DNM3: variants seen among roughly 807,000 people sequenced by gnomAD.
DNM3 encodes dynamin 3.
A neutral mutation model predicts 101.6 loss-of-function variants in DNM3; 47 were observed. The ratio of observed to expected loss-of-function variants is 0.46; its 90% confidence interval spans 0.37 to 0.59. The LOEUF (loss-of-function observed/expected upper bound fraction) is 0.59. Ranked by LOEUF, DNM3 falls within the 20% of genes least tolerant of loss-of-function variation. DNM3 has a pLI of 0.00. For synonymous variants in DNM3, 385 were observed against 387.9 expected (o/e 0.99, Z 0.09); for missense variants, 849 against 1,085.7 (o/e 0.78, Z 3.06).
At chr1:172,250,259 G>T (rs540448457) in intron 14 of DNM3, among the ~76,000 whole-genome samples, 7 of 152,212 alleles carry the variant, frequency 4.6e-5, no homozygotes, top group South Asian at 2.1e-4. Context: ...ACTAAACATT[G>T]CTATGTTAGG....
chr1:171,956,132 C>G lies in DNM3; in HGVS notation c.236-31524C>G, dbSNP rs148579117. 6.6e-4 allele frequency among the ~76,000 whole-genome samples: 100 copies of G among 152,302 alleles called. 1 individual carries two copies. The highest frequency in any genetic ancestry group is 2.3e-3 in the African/African-American group (95 of 41,576). ...GCCCCTCCCAAATCCCATGTCCTCACATTTCAAAACCAATCATGCCTTCCC... is the reference window on the plus strand; with the variant it reads ...GCCCCTCCCAAATCCCATGTCCTCAGATTTCAAAACCAATCATGCCTTCCC... On this transcript the variant is annotated intron_variant, in intron 2 of 20. Coordinates refer to ENST00000627582, the MANE Select transcript of DNM3 (RefSeq NM_015569.5).
intron 13 of DNM3, among the ~76,000 whole-genome samples, chr1:172,119,238 C>A (rs569067895): frequency 1.3e-5 from 2 of 151,976 alleles, no homozygotes; most frequent in South Asian, 4.2e-4. Flanking sequence ...GTGGTCCGCC[C>A]GCCTCAGTCT....
chr1:171,871,613 C>T (rs1371381645), intron 1 of DNM3, among the ~76,000 whole-genome samples: 2 of 152,084 alleles, frequency 1.3e-5, no homozygotes, highest in Non-Finnish European at 1.5e-5. Context: ...GTCACCTTCC[C>T]CCTAGTAACT....
intron 18 of DNM3, among the ~76,000 whole-genome samples, chr1:172,383,267 T>A (rs915087528): frequency 1.3e-5 from 2 of 152,202 alleles, no homozygotes; most frequent in African/African-American, 4.8e-5. Flanking sequence ...TTGGGAATCA[T>A]ATACTATACG....
chr1:171,990,266 T>C (rs1012341795), intron 4 of DNM3, among the ~76,000 whole-genome samples: 1 of 152,124 alleles, frequency 6.6e-6, no homozygotes, highest in African/African-American at 2.4e-5. Flanking sequence ...TGTTTGTCGA[T>C]CTTTTGCCGC....
chr1:171,981,096 G>A (rs1034263822), intron 2 of DNM3, among the ~76,000 whole-genome samples: 1 of 152,008 alleles, frequency 6.6e-6, no homozygotes, highest in Non-Finnish European at 1.5e-5. Context: ...AAATATAATA[G>A]GCATTAGGGA....
chr1:172,292,089 C>T (rs2063942573), intron 15 of DNM3, among the ~76,000 whole-genome samples: 1 of 151,874 alleles, frequency 6.6e-6, no homozygotes, highest in Non-Finnish European at 1.5e-5. Flanking sequence ...GTGCACAGGA[C>T]CTAAAGGCAG....
intron 1 of DNM3, among the ~76,000 whole-genome samples, chr1:171,844,084 A>T (rs2031701974): frequency 6.6e-6 from 1 of 152,226 alleles, no homozygotes; most frequent in African/African-American, 2.4e-5. Context: ...TGACTTTAAT[A>T]AAGATTTCGG....
chr1:172,221,131 C>T (rs922961242), intron 14 of DNM3, among the ~76,000 whole-genome samples: 12 of 151,764 alleles, frequency 7.9e-5, no homozygotes, highest in Non-Finnish European at 1.6e-4. Flanking sequence ...ACGCAGTATT[C>T]AAAGAAAAAG....
At chr1:171,844,011 A>G (rs185746915) in intron 1 of DNM3, among the ~76,000 whole-genome samples, 68 of 152,334 alleles carry the variant, frequency 4.5e-4, no homozygotes, top group Admixed American at 4.2e-3. Flanking sequence ...AATTATATGT[A>G]GAGATAACAC....
At chr1:172,177,958 T>G (rs967373108) in intron 14 of DNM3, among the ~76,000 whole-genome samples, 5 of 151,914 alleles carry the variant, frequency 3.3e-5, no homozygotes, top group African/African-American at 1.2e-4. Flanking sequence ...CTAAAAGTTG[T>G]GTTATCAGGC....
chr1:172,095,991 T>C lies in DNM3; in HGVS notation c.1545+3116T>C, dbSNP rs191377812. ...GTGGTGGGTGTTTAGAGAAGCATGA[T>C]GATGCATCAATCACAGGCCTCACCC... On this transcript the variant is annotated intron_variant, in intron 13 of 20. Coordinates refer to ENST00000627582, the MANE Select transcript of DNM3 (RefSeq NM_015569.5). 7.2e-5 allele frequency among the ~76,000 whole-genome samples: 11 copies of C among 152,310 alleles called. No individual in the cohort carries two copies. In the East Asian group the frequency reaches 1.4e-3, roughly 19 times the overall value.
At chr1:172,047,457 A>T (rs2049898732) in intron 9 of DNM3, among the ~76,000 whole-genome samples, 1 of 152,206 alleles carries the variant, frequency 6.6e-6, no homozygotes, top group Non-Finnish European at 1.5e-5. Context: ...TAAAATGAAC[A>T]TCATAGACAA....
At position 172,411,435 on chromosome 1, in the gene DNM3, C is replaced by G. The variant is rs2071196377; in HGVS notation, c.*3594C>G. 1 of 983,994 alleles carries G rather than the reference C, an allele frequency of 1.0e-6. No individual in the cohort carries two copies. Among genetic ancestry groups the G allele is most frequent in the Non-Finnish European group, 1.2e-6 (1 of 829,438 alleles). The allele number at this position is 983,994 out of a possible 1,614,324, so 61.0% of individuals were successfully genotyped here. ...AGAAGTAAAACCTCTGGAGACCTATCTTTAAGATCTCTAATTGGAATTATA... is the reference window on the plus strand; with the variant it reads ...AGAAGTAAAACCTCTGGAGACCTATGTTTAAGATCTCTAATTGGAATTATA... On this transcript the variant is annotated 3_prime_UTR_variant, in exon 21 of 21. Coordinates refer to ENST00000627582, the MANE Select transcript of DNM3 (RefSeq NM_015569.5).
chr1:172,068,919 T>A lies in DNM3; in HGVS notation c.1422+14T>A. 1.3e-6 allele frequency: 2 copies of A among 1,553,558 alleles called. No individual in the cohort carries two copies. Among genetic ancestry groups the A allele is most frequent in the South Asian group, 2.4e-5 (2 of 84,108 alleles). On this transcript the variant is annotated intron_variant, in intron 11 of 20. Coordinates refer to ENST00000627582, the MANE Select transcript of DNM3 (RefSeq NM_015569.5). ...ACAAAGGACCAGGTAAAGAGAGGTC[T>A]TCCCTGGTGGGCAGGGAGATTGTGG...
At chr1:172,200,724 A>G (rs576768084) in intron 14 of DNM3, among the ~76,000 whole-genome samples, 4 of 151,872 alleles carry the variant, frequency 2.6e-5, no homozygotes, top group Non-Finnish European at 5.9e-5. Context: ...GCATTCTTGT[A>G]TTGTGTTACT....
chr1:172,164,809 G>A (rs1453063379), intron 14 of DNM3, among the ~76,000 whole-genome samples: 1 of 152,060 alleles, frequency 6.6e-6, no homozygotes, highest in Non-Finnish European at 1.5e-5. Context: ...AGTGTATGAG[G>A]AAGGTAGTGG....
intron 17 of DNM3, among the ~76,000 whole-genome samples, chr1:172,330,585 A>G (rs1225291619): frequency 2.0e-5 from 3 of 152,132 alleles, no homozygotes; most frequent in Non-Finnish European, 4.4e-5. Flanking sequence ...AATTTACACC[A>G]AAATTTTAAC....
intron 13 of DNM3, among the ~76,000 whole-genome samples, chr1:172,114,655 T>G (rs1300190287): frequency 1.3e-5 from 2 of 152,204 alleles, no homozygotes; most frequent in Admixed American, 1.3e-4. Context: ...TGGTTACAAG[T>G]ACTGTTTAGT....
Sources: allele counts gnomAD v4.1 joint callset (sites outside exome capture counted in the v4.1 genomes callset), GRCh38; gene constraint gnomAD v4.1.1; transcripts MANE v1.5; gene names NCBI Gene and HGNC (gene_info 2026-07-23, HGNC 2026-07-21).